The following ANK3 variants were observed in gnomAD, a reference collection of about 807,000 sequenced individuals.
The protein encoded by ANK3 is ankyrin-3.
A neutral mutation model predicts 370.9 loss-of-function variants in ANK3; 57 were observed. That is an observed-to-expected ratio of 0.15 (90% CI 0.12 to 0.19). The LOEUF is 0.19. ANK3 is among the 10% of genes least tolerant of loss of function. ANK3 has a pLI of 1.00. For missense variants in ANK3, 4,439 were observed against 5,302.1 expected, an observed-to-expected ratio of 0.84 and a Z score of 5.06; for synonymous variants, 1,929 against 1,946.3, an observed-to-expected ratio of 0.99 and a Z score of 0.23.
chr10:60,359,847 A>G (rs1439562717), intron 1 of ANK3, among the ~76,000 whole-genome samples: 3 of 152,242 alleles, frequency 2.0e-5, no homozygotes, highest in East Asian at 3.8e-4. Context: ...TTTAAGTCAC[A>G]TGCCAATTTG....
intron 1 of ANK3, among the ~76,000 whole-genome samples, chr10:60,283,084 ATG>A (rs1292529767): frequency 1.3e-5 from 2 of 152,182 alleles, no homozygotes; most frequent in East Asian, 3.8e-4. Flanking sequence ...GGCACAAATA[ATG>A]ACTTATTTGC....
intron 2 of ANK3, among the ~76,000 whole-genome samples, chr10:60,503,197 C>A (rs147126334): frequency 1.3e-5 from 2 of 152,180 alleles, no homozygotes; most frequent in African/African-American, 2.4e-5. Context: ...AAGAGTAATT[C>A]TGTAAATTAA....
Position 60,071,295 on chromosome 10 carries a change from T to G in ANK3, c.9586A>C (p.Lys3196Gln). ...PDSLIAYIPGKPSPIPEVSEE... is the reference protein window; with the variant it reads ...PDSLIAYIPGQPSPIPEVSEE... Reference sequence around the variant, plus strand: ...GAAACCTCGGGAATTGGGCTGGGTTTGCCTGGTATATAAGCTATGAGCGAG... The same window carrying G: ...GAAACCTCGGGAATTGGGCTGGGTTGGCCTGGTATATAAGCTATGAGCGAG... Residue 3196 changes from lysine to glutamine, a missense_variant, in exon 37 of 44, where the codon AAA (lysine) becomes CAA (glutamine). This residue lies in a region of ANK3 where 1,601 missense variants were observed against 1,731.7 expected (regional missense o/e 0.92). Transcript: ENST00000280772. The G allele has an allele frequency of 6.2e-7, 1 of 1,614,132 alleles. No homozygotes were observed. Among genetic ancestry groups the G allele is most frequent in the Non-Finnish European group, 8.5e-7 (1 of 1,180,008 alleles).
At chr10:60,726,137 T>A (rs537091290) in intron 1 of ANK3, among the ~76,000 whole-genome samples, 1 of 152,138 alleles carries the variant, frequency 6.6e-6, no homozygotes, top group Non-Finnish European at 1.5e-5. Flanking sequence ...ATCTACTATA[T>A]CAGCACATCA....
intron 1 of ANK3, among the ~76,000 whole-genome samples, chr10:60,362,491 G>C (rs936905448): frequency 7.9e-5 from 12 of 152,162 alleles, no homozygotes; most frequent in Non-Finnish European, 1.5e-4. Flanking sequence ...ATTTTAGGAA[G>C]GCAGAAAGCT....
At chr10:60,227,402 T>C (rs759903000) in intron 8 of ANK3, among the ~76,000 whole-genome samples, 1 of 152,168 alleles carries the variant, frequency 6.6e-6, no homozygotes. Context: ...TATGACTCTG[T>C]GTGGTTTTCT....
At chr10:60,435,367 G>T (rs1350438483) in intron 2 of ANK3, among the ~76,000 whole-genome samples, 1 of 152,040 alleles carries the variant, frequency 6.6e-6, no homozygotes, top group Non-Finnish European at 1.5e-5. Context: ...ATTTAGTTCT[G>T]TCTCCATATT....
intron 8 of ANK3, among the ~76,000 whole-genome samples, chr10:60,223,688 G>T (rs558411610): frequency 1.2e-3 from 187 of 152,186 alleles, no homozygotes; most frequent in Non-Finnish European, 2.0e-3. Flanking sequence ...GACTCATTTT[G>T]TCTACTTCAG....
intron 30 of ANK3, among the ~76,000 whole-genome samples, chr10:60,085,872 C>T (rs1310735237): frequency 6.6e-6 from 1 of 152,194 alleles, no homozygotes; most frequent in Non-Finnish European, 1.5e-5. Context: ...GCCTTGGCTT[C>T]CCAAAGTGCT....
intron 2 of ANK3, among the ~76,000 whole-genome samples, chr10:60,405,461 A>T (rs2063435050): frequency 6.6e-6 from 1 of 152,176 alleles, no homozygotes; most frequent in Non-Finnish European, 1.5e-5. Flanking sequence ...TAGTGAAAAA[A>T]ATCAGAACAG....
Position 60,069,245 on chromosome 10 carries a change from T to C in ANK3, c.11636A>G (p.Asn3879Ser), listed in dbSNP as rs1345379716. 5 of 1,614,166 alleles carry C rather than the reference T, an allele frequency of 3.1e-6. No individual in the cohort carries two copies. Among genetic ancestry groups the C allele is most frequent in the Non-Finnish European group, 4.2e-6 (5 of 1,180,010 alleles). ...ATSPKDTFPP[N>S]HMSNTKASKM... ...ACTTGCTTTAGTGTTTGACATATGGTTCGGTGGGAAGGTATCTTTTGGTGA... is the reference window on the plus strand; with the variant it reads ...ACTTGCTTTAGTGTTTGACATATGGCTCGGTGGGAAGGTATCTTTTGGTGA... The change falls in exon 37 of 44, where the codon AAC (asparagine) becomes AGC (serine). Residue 3879 changes from asparagine (N) to serine (S), a missense_variant. Physicochemically the swap from Asn to Ser is conservative, Grantham distance 46. Coordinates refer to ENST00000280772, the MANE Select transcript of ANK3 (RefSeq NM_020987.5).
intron 2 of ANK3, among the ~76,000 whole-genome samples, chr10:60,460,700 C>T (rs1054946533): frequency 6.6e-6 from 1 of 152,172 alleles, no homozygotes; most frequent in Non-Finnish European, 1.5e-5. Flanking sequence ...AATTGTACCT[C>T]AGAGTTCTTA....
chr10:60,232,967 G>C (rs1424208191), intron 8 of ANK3, among the ~76,000 whole-genome samples: 2 of 152,214 alleles, frequency 1.3e-5, no homozygotes, highest in Admixed American at 6.5e-5. Context: ...TTAGAAGAAG[G>C]AAGCACAGGA....
At chr10:60,233,569 C>T (rs1179626290) in intron 8 of ANK3, among the ~76,000 whole-genome samples, 1 of 152,098 alleles carries the variant, frequency 6.6e-6, no homozygotes, top group Non-Finnish European at 1.5e-5. Context: ...ACAGCCAAGA[C>T]TATAAGTGCA....
At chr10:60,495,976 T>C (rs74917253) in intron 2 of ANK3, among the ~76,000 whole-genome samples, 3 of 148,168 alleles carry the variant, frequency 2.0e-5, no homozygotes, top group Admixed American at 6.6e-5. Context: ...GCATTTTTCA[T>C]TTTTCTTTTT....
intron 2 of ANK3, among the ~76,000 whole-genome samples, chr10:60,489,381 A>T (rs1200485963): frequency 6.6e-6 from 1 of 152,228 alleles, no homozygotes; most frequent in Non-Finnish European, 1.5e-5. Context: ...GTTATGTATT[A>T]CATTATATTT....
At chr10:60,175,781 C>T (rs2095917945) in intron 18 of ANK3, among the ~76,000 whole-genome samples, 1 of 152,222 alleles carries the variant, frequency 6.6e-6, no homozygotes, top group Admixed American at 6.5e-5. Context: ...GTTTGGGACC[C>T]AGCTCTGCTA....
chr10:60,273,737 G>A (rs946011126), intron 4 of ANK3, among the ~76,000 whole-genome samples: 5 of 152,172 alleles, frequency 3.3e-5, no homozygotes, highest in East Asian at 1.9e-4. Flanking sequence ...TGAATCATGG[G>A]GGGGGTTTCC....
intron 1 of ANK3, among the ~76,000 whole-genome samples, chr10:60,348,347 C>CA (rs35147179): frequency 0.055 from 3,710 of 67,150 alleles, 32 homozygotes; most frequent in African/African-American, 0.076. Flanking sequence ...TATCACTAGC[C>CA]AAAAAAAAAA....
Sources: allele counts gnomAD v4.1 joint callset (sites outside exome capture counted in the v4.1 genomes callset), GRCh38; gene constraint gnomAD v4.1.1; regional missense constraint gnomAD v4.1.1; transcripts MANE v1.5; gene names NCBI Gene and HGNC (gene_info 2026-07-23, HGNC 2026-07-21).